Variants in MICU3 observed in about 807,000 individuals in gnomAD.
The protein encoded by MICU3 is calcium uptake protein 3, mitochondrial.
Under a neutral mutation model 66.5 loss-of-function variants are expected in MICU3, and 62 were observed. The ratio of observed to expected loss-of-function variants is 0.93; its 90% CI spans 0.76 to 1.15. The LOEUF (loss-of-function observed/expected upper bound fraction) is 1.15, where lower values mean the gene tolerates loss of function less well. Ranked by LOEUF, MICU3 falls within the 50% of genes most tolerant of loss-of-function variation. The pLI, the probability that MICU3 is intolerant of heterozygous loss-of-function variation, is 0.00. For synonymous variants in MICU3, 308 were observed against 240.7 expected (o/e 1.28, Z -2.59); for missense variants, 779 against 664.4 (o/e 1.17, Z -1.90).
chr8:17,033,512 T>C (rs943244126), intron 1 of MICU3, among the ~76,000 whole-genome samples: 1 of 152,122 alleles, frequency 6.6e-6, no homozygotes, highest in Non-Finnish European at 1.5e-5. Flanking sequence ...CTCCACTCAC[T>C]GCAAGCTCCG....
chr8:17,130,735 T>G, the MICU3 span, among the ~76,000 whole-genome samples: 1 of 151,962 alleles, frequency 6.6e-6, no homozygotes, highest in Non-Finnish European at 1.5e-5. Flanking sequence ...ATGCAGTAAT[T>G]TTTTTTAAAT....
intron 1 of MICU3, among the ~76,000 whole-genome samples, chr8:17,053,774 A>G (rs573748188): frequency 6.6e-6 from 1 of 152,342 alleles, no homozygotes; most frequent in Admixed American, 6.5e-5. Flanking sequence ...TCAATAAAAC[A>G]GAAGAAATAG....
chr8:17,081,788 A>C (rs745389972), intron 5 of MICU3, 48 bp downstream of exon 5: 28 of 825,486 alleles, frequency 3.4e-5, no homozygotes, highest in Non-Finnish European at 5.2e-5. Flanking sequence ...TTATTTTTTA[A>C]ACGAATCTTG....
At chr8:17,116,136 G>A (rs1304400511) in intron 12 of MICU3, among the ~76,000 whole-genome samples, 3 of 152,280 alleles carry the variant, frequency 2.0e-5, no homozygotes, top group Middle Eastern at 3.4e-3. Context: ...CATCTGAACC[G>A]TAAGTTTCTT....
At chr8:17,096,085 G>C (rs560557876) in intron 8 of MICU3, among the ~76,000 whole-genome samples, 123 of 151,908 alleles carry the variant, frequency 8.1e-4, no homozygotes, top group African/African-American at 2.9e-3. Context: ...ATGACATCTG[G>C]TAAAGGGGCC....
At chr8:17,069,356 C>G (rs1819194970) in intron 2 of MICU3, among the ~76,000 whole-genome samples, 1 of 152,034 alleles carries the variant, frequency 6.6e-6, no homozygotes, top group Non-Finnish European at 1.5e-5. Context: ...TTATAAGTAT[C>G]ATTATTTGTG....
At chr8:17,030,675 C>A (rs1354554840) in intron 1 of MICU3, among the ~76,000 whole-genome samples, 1 of 152,212 alleles carries the variant, frequency 6.6e-6, no homozygotes, top group African/African-American at 2.4e-5. Context: ...TATGTAACAG[C>A]ACTTATGTTG....
chr8:17,105,589 C>G lies in MICU3; in HGVS notation c.1257+5C>G. ...TACAGTATACCTGAAGAAAAGGTAT[C>G]TAATCCTCATATTTAGTTGGTTATG... On this transcript the variant is annotated splice_donor_5th_base_variant and intron_variant, in intron 11 of 14. Coordinates refer to ENST00000318063, the MANE Select transcript of MICU3 (RefSeq NM_181723.3). The G allele has an allele frequency of 7.4e-6, 11 of 1,484,302 alleles. No homozygotes were observed. Among genetic ancestry groups the G allele is most frequent in the Non-Finnish European group, 9.9e-6 (11 of 1,105,820 alleles). 91.9% of individuals were successfully genotyped at this position (1,484,302 alleles called of 1,614,324 possible). A position where few individuals can be genotyped will look rare whatever the true frequency, so the allele number is the denominator to read the frequency against.
intron 8 of MICU3, among the ~76,000 whole-genome samples, chr8:17,093,737 G>A (rs1289548096): frequency 4.6e-5 from 7 of 151,776 alleles, no homozygotes; most frequent in Admixed American, 4.6e-4. Context: ...CTCTAGAAAT[G>A]TTTTTTGCCG....
At chr8:17,095,958 C>G (rs964967299) in intron 8 of MICU3, among the ~76,000 whole-genome samples, 2 of 151,984 alleles carry the variant, frequency 1.3e-5, no homozygotes, top group African/African-American at 4.8e-5. Context: ...ATGTGTCACA[C>G]TTACAGGGCA....
At chr8:17,126,759 G>A (rs1393590706), downstream of MICU3, among the ~76,000 whole-genome samples, 1 of 152,106 alleles carries the variant, frequency 6.6e-6, no homozygotes. Flanking sequence ...GAGATGGTTT[G>A]AAGAAAAAAT....
intron 11 of MICU3, among the ~76,000 whole-genome samples, chr8:17,108,211 T>A (rs1216216772): frequency 6.6e-6 from 1 of 152,142 alleles, no homozygotes; most frequent in Non-Finnish European, 1.5e-5. Context: ...TAGGAACCAG[T>A]CATATTTTAG....
At chr8:17,124,641 T>G (rs1168638846), downstream of MICU3, among the ~76,000 whole-genome samples, 1 of 151,852 alleles carries the variant, frequency 6.6e-6, no homozygotes, top group African/African-American at 2.4e-5. Flanking sequence ...TTTTTTGGAA[T>G]AGAGCATAAA....
chr8:17,129,654 A>C, the MICU3 span, among the ~76,000 whole-genome samples: 64 of 152,320 alleles, frequency 4.2e-4, no homozygotes, highest in African/African-American at 1.4e-3. Flanking sequence ...TCAGTGAACT[A>C]TGGAACCACA....
Position 17,039,895 on chromosome 8 carries a change from CTTTTTTTTTTTTTTTT to C in MICU3, c.381+12249_381+12264del, listed in dbSNP as rs35133600. Reference sequence around the variant, plus strand: ...ATGAAGGTATCCATCATCTTGCATTCTTTTTTTTTTTTTTTTTTTTTTTTTTTTTGAGATGGAGTTT... The same window carrying C: ...ATGAAGGTATCCATCATCTTGCATTCTTTTTTTTTTTTTGAGATGGAGTTT... On this transcript the variant is annotated intron_variant, in intron 1 of 14. Transcript: ENST00000318063. Among the ~76,000 whole-genome samples the C allele has an allele frequency of 3.5e-3, 220 of 62,554 alleles. 5 individuals are homozygous for C. Among genetic ancestry groups the C allele is most frequent in the Non-Finnish European group, 4.5e-3 (167 of 36,840 alleles). 41.0% of individuals were successfully genotyped at this position (62,554 alleles called of 152,430 possible).
chr8:17,137,436 C>T, the MICU3 span, among the ~76,000 whole-genome samples: 56 of 148,052 alleles, frequency 3.8e-4, no homozygotes, highest in African/African-American at 9.7e-4. Context: ...AAAAACACTA[C>T]GACAAGTTGA....
At chr8:17,103,785 A>G (rs1801488705) in intron 9 of MICU3, among the ~76,000 whole-genome samples, 1 of 151,900 alleles carries the variant, frequency 6.6e-6, no homozygotes, top group Non-Finnish European at 1.5e-5. Flanking sequence ...GTGTTACGTA[A>G]GACTTTGAAA....
rs570477125 is a variant in MICU3 at position 17,104,271 on chromosome 8, T to G, written c.985-120T>G. ...TATGCCTGTGTTTTTCATTCTAATA[T>G]TAATATATTTACATTCTTGATGTTT... On this transcript the variant is annotated intron_variant, in intron 9 of 14. Transcript: ENST00000318063. 1.9e-5 allele frequency: 8 copies of G among 423,874 alleles called. No homozygotes were observed. The South Asian group carries it at 7.2e-4, about 38-fold the overall frequency. The allele number at this position is 423,874 out of a possible 1,614,324, so 26.3% of individuals were successfully genotyped here. A position where few individuals can be genotyped will look rare whatever the true frequency, so the allele number is the denominator to read the frequency against.
intron 3 of MICU3, among the ~76,000 whole-genome samples, chr8:17,069,996 A>C (rs900559232): frequency 6.6e-6 from 1 of 152,032 alleles, no homozygotes; most frequent in African/African-American, 2.4e-5. Context: ...TATCTACTAA[A>C]ATTGGCGATA....
Sources: allele counts gnomAD v4.1 joint callset (sites outside exome capture counted in the v4.1 genomes callset), GRCh38; gene constraint gnomAD v4.1.1; transcripts MANE v1.5; gene names NCBI Gene and HGNC (gene_info 2026-07-23, HGNC 2026-07-21).